CSPG4: variants seen among roughly 807,000 people sequenced by gnomAD.
CSPG4 encodes the protein chondroitin sulfate proteoglycan 4.
In CSPG4, 74 loss-of-function variants were observed where a neutral mutation model predicts 139.3. The observed-to-expected ratio is 0.53, with a 90% CI of 0.44 to 0.64. The LOEUF is 0.64. CSPG4 is among the 30% of genes least tolerant of loss of function. The probability of loss-of-function intolerance (pLI) is 0.00; values close to 1 mark genes in which losing one functional copy is unlikely to be tolerated. For synonymous variants in CSPG4, 1,234 were observed against 1,394.2 expected (o/e 0.89, Z 2.56); for missense variants, 2,565 against 3,148.3 (o/e 0.81, Z 4.43).
At chr15:75,693,978 T>C (rs1894196073) in intron 1 of CSPG4, among the ~76,000 whole-genome samples, 1 of 152,242 alleles carries the variant, frequency 6.6e-6, no homozygotes, top group African/African-American at 2.4e-5. Flanking sequence ...ACTTCCTCCA[T>C]TACCCTTGCT....
In CSPG4 at chr15:75,677,753, G is replaced by A; in HGVS notation, c.5084C>T (p.Ser1695Phe). ...GCGCTGGGGACAGGCAGCCTCAAAA[G>A]ACACAGCCACAGCAAGGGTGGCGGC... ...DVAATLAVAVSFEAACPQRPS... is the reference protein window; with the variant it reads ...DVAATLAVAVFFEAACPQRPS... Residue 1695 changes from serine (S) to phenylalanine (F), a missense_variant, in exon 9 of 10, where the codon TCT becomes TTT. Physicochemically the swap from Ser to Phe is radical, Grantham distance 155. Transcript: ENST00000308508. 6.2e-7 allele frequency: 1 copy of A among 1,610,682 alleles called. No homozygotes were observed.
intron 8 of CSPG4, chr15:75,679,844 C>T (rs1419038586): frequency 2.6e-5 from 4 of 152,244 alleles, no homozygotes; most frequent in African/African-American, 7.2e-5. Flanking sequence ...TGCCACCACG[C>T]CCAGCTCATT....
At chr15:75,678,724 A>G (rs1224314262) in intron 8 of CSPG4, 1 of 456,158 alleles carries the variant, frequency 2.2e-6, no homozygotes, top group Non-Finnish European at 4.4e-6. Context: ...CTTTGCAGCA[A>G]AACTTCAAAA....
chr15:75,688,892 A>G lies in CSPG4; in HGVS notation c.2173T>C (p.Trp725Arg), dbSNP rs1894108954. The change falls in exon 3 of 10, where the codon TGG (tryptophan) becomes CGG (arginine). Residue 725 changes from tryptophan to arginine, a missense_variant. Physicochemically the swap from Trp to Arg is moderately radical, Grantham distance 101 (BLOSUM62 -3). Coordinates refer to ENST00000308508, the MANE Select transcript of CSPG4 (RefSeq NM_001897.5). ...TGGTGGAACGCCTGTGTGGCCCACC[A>G]CTCAGCACCCTCCACCCCACCTGCC... ...QGAGGVEGAE[W>R]WATQAFHQRD... 1.9e-6 allele frequency: 3 copies of G among 1,612,010 alleles called. No individual in the cohort carries two copies. The highest frequency in any genetic ancestry group is 1.7e-6 in the Non-Finnish European group (2 of 1,179,894).
rs746522536 is a variant in CSPG4, at chr15:75,688,234, C to T, written c.2831G>A (p.Arg944Lys). ...YEVMERPRHGRLAWRGTQDKT... is the reference protein window; with the variant it reads ...YEVMERPRHGKLAWRGTQDKT... ...GTCCTGTGTCCCACGCCAAGCCAAC[C>T]TCCCATGGCGGGGCCGCTCCATGAC... Residue 944 changes from arginine to lysine, a missense_variant, in exon 3 of 10, where the codon AGG (arginine) becomes AAG (lysine). This residue lies in a region of CSPG4 where 2,316 missense variants were observed against 2,818.2 expected (regional missense o/e 0.82). Coordinates refer to ENST00000308508, the MANE Select transcript of CSPG4 (RefSeq NM_001897.5). 1.2e-6 allele frequency: 2 copies of T among 1,613,014 alleles called. No individual in the cohort carries two copies. The highest frequency in any genetic ancestry group is 2.2e-5 in the South Asian group (2 of 91,084).
At chr15:75,683,549 T>C (rs1202341379) in intron 5 of CSPG4, among the ~76,000 whole-genome samples, 1 of 152,116 alleles carries the variant, frequency 6.6e-6, no homozygotes, top group Non-Finnish European at 1.5e-5. Flanking sequence ...GGGGGGCTGA[T>C]GGTTGGCACT....
chr15:75,684,905 T>A lies in CSPG4; in HGVS notation c.4280A>T (p.Glu1427Val). 1 of 1,608,292 alleles carries A rather than the reference T, an allele frequency of 6.2e-7. No homozygotes were observed. Among genetic ancestry groups the A allele is most frequent in the South Asian group, 1.1e-5 (1 of 90,996 alleles). The change falls in exon 5 of 10, where the codon GAG becomes GTG. Residue 1427 changes from glutamate (E) to valine (V), a missense_variant. This residue lies in a region of CSPG4 where 2,316 missense variants were observed against 2,818.2 expected (regional missense o/e 0.82). Coordinates refer to ENST00000308508, the MANE Select transcript of CSPG4 (RefSeq NM_001897.5). The part of the protein sequence containing the change: ...LSAFSWRMVE[E>V]QLIRYVHDGS... ...GTCATGCACGTAGCGGATCAGCTGC[T>A]CTTCCACCTAGGGGCAGGCCCAGGG... is the stretch of plus-strand genomic sequence containing the variant.
intron 1 of CSPG4, among the ~76,000 whole-genome samples, chr15:75,710,715 A>G (rs1446840901): frequency 1.1e-3 from 166 of 151,522 alleles, no homozygotes; most frequent in African/African-American, 3.1e-3. Context: ...AGGGGCATCC[A>G]GGAGGGGTGG....
Position 75,676,905 on chromosome 15 carries a change from C to T in CSPG4, c.5614G>A (p.Val1872Ile). Residue 1872 changes from valine (V) to isoleucine (I), a missense_variant, in exon 10 of 10, where the codon GTC (valine) becomes ATC (isoleucine). Coordinates refer to ENST00000308508, the MANE Select transcript of CSPG4 (RefSeq NM_001897.5). ...DSAPGEIEYEVQRAPHNGFLS... is the reference protein window; with the variant it reads ...DSAPGEIEYEIQRAPHNGFLS... Reference sequence around the variant, plus strand: ...AAGCCGTTGTGGGGTGCCCGCTGGACCTCGTACTCAATCTCCCCAGGAGCT... The same window carrying T: ...AAGCCGTTGTGGGGTGCCCGCTGGATCTCGTACTCAATCTCCCCAGGAGCT... 6.3e-7 allele frequency: 1 copy of T among 1,578,174 alleles called. No homozygotes were observed. Among genetic ancestry groups the T allele is most frequent in the Non-Finnish European group, 8.6e-7 (1 of 1,162,990 alleles).
intron 1 of CSPG4, among the ~76,000 whole-genome samples, chr15:75,705,047 C>T (rs1051710050): frequency 5.3e-5 from 8 of 152,218 alleles, no homozygotes; most frequent in African/African-American, 1.4e-4. Context: ...CACTCACCTG[C>T]TCTGGGGACA....
intron 4 of CSPG4, 83 bp downstream of exon 4, chr15:75,685,136 C>G (rs1418491324): frequency 2.7e-6 from 4 of 1,487,002 alleles, no homozygotes; most frequent in Middle Eastern, 2.6e-4. Context: ...TGTGTATAAC[C>G]CCCAGACTGG....
rs754952359 is a variant in CSPG4, at chr15:75,682,413, G to A, written c.4830C>T (p.Ser1610=). 4.1e-5 allele frequency: 66 copies of A among 1,594,100 alleles called. 1 individual carries two copies. The South Asian group carries it at 5.7e-4, about 14-fold the overall frequency. ...LSSQTLRASS[S]AGTDPQLLLY... ...GCAGGAGCTGGGGGTCAGTGCCTGCGCTGGAGCTGGCCCTGAGGGTCTGAC... is the reference window on the plus strand; with the variant it reads ...GCAGGAGCTGGGGGTCAGTGCCTGCACTGGAGCTGGCCCTGAGGGTCTGAC... Residue 1610 remains serine, a synonymous_variant, in exon 8 of 10, where the codon AGC becomes AGT. Coordinates refer to ENST00000308508, the MANE Select transcript of CSPG4 (RefSeq NM_001897.5).
rs1566975015 is a variant in CSPG4 at position 75,689,966 on chromosome 15, G to A, written c.1099C>T (p.Leu367=). 3 of 1,610,438 alleles carry A rather than the reference G, an allele frequency of 1.9e-6. No individual in the cohort carries two copies. The highest frequency in any genetic ancestry group is 2.5e-6 in the Non-Finnish European group (3 of 1,178,500). ...DLSVNGQRRG[L]REALLTRNMA... ...TTGCGCGTCAGCAAAGCTTCCCGCAGCCCCCGCCTCTGGCCATTGACACTG... is the reference window on the plus strand; with the variant it reads ...TTGCGCGTCAGCAAAGCTTCCCGCAACCCCCGCCTCTGGCCATTGACACTG... Residue 367 remains leucine, a synonymous_variant, in exon 3 of 10, where the codon CTG becomes TTG. Transcript: ENST00000308508.
chr15:75,675,941 G>A lies in CSPG4; in HGVS notation c.6578C>T (p.Thr2193Ile). 2 of 1,592,458 alleles carry A rather than the reference G, an allele frequency of 1.3e-6. No individual in the cohort carries two copies. Among genetic ancestry groups the A allele is most frequent in the Non-Finnish European group, 1.7e-6 (2 of 1,173,816 alleles). ...RTEAGKPESS[T>I]PTGEPGPMAS... ...CATGGGGCCTGGCTCGCCTGTGGGG[G>A]TGCTGCTCTCTGGCTTCCCTGCTTC... The change falls in exon 10 of 10, where the codon ACC becomes ATC. Residue 2193 changes from threonine to isoleucine, a missense_variant. By Grantham distance (89) the Thr-to-Ile change is moderately conservative (BLOSUM62 -1). This residue lies in a region of CSPG4 where 2,316 missense variants were observed against 2,818.2 expected (regional missense o/e 0.82). Coordinates refer to ENST00000308508, the MANE Select transcript of CSPG4 (RefSeq NM_001897.5).
chr15:75,708,941 G>C (rs1894409174), intron 1 of CSPG4, among the ~76,000 whole-genome samples: 1 of 152,192 alleles, frequency 6.6e-6, no homozygotes, highest in Admixed American at 6.5e-5. Flanking sequence ...GAGATCGCTT[G>C]AGCCTGGGAG....
Position 75,675,452 on chromosome 15 carries a change from TGG to T in CSPG4, c.*96_*97del. 7.6e-7 allele frequency: 1 copy of T among 1,314,328 alleles called. No individual in the cohort carries two copies. The highest frequency in any genetic ancestry group is 9.9e-7 in the Non-Finnish European group (1 of 1,007,658). The allele number at this position is 1,314,328 out of a possible 1,614,324, so 81.4% of individuals were successfully genotyped here. A position where few individuals can be genotyped will look rare whatever the true frequency, so the allele number is the denominator to read the frequency against. On this transcript the variant is annotated 3_prime_UTR_variant, in exon 10 of 10. Transcript: ENST00000308508. The stretch of plus-strand genomic sequence containing the variant: ...TGGTGTCTCCAGGTCTCTCTTGCTC[TGG>T]GGATACTCAGACAGCACCAGGCATG...
intron 5 of CSPG4, 92 bp downstream of exon 5, chr15:75,684,644 G>A (rs1894026246): frequency 8.1e-7 from 1 of 1,229,610 alleles, no homozygotes; most frequent in Admixed American, 2.1e-5. Flanking sequence ...GGAAACTGAG[G>A]ATCAGAGCTG....
chr15:75,683,130 C>T, intron 5 of CSPG4, 89 bp from the exon 6 acceptor site: 1 of 1,327,854 alleles, frequency 7.5e-7, no homozygotes, highest in Non-Finnish European at 1.0e-6. Flanking sequence ...GGCTCCAGTC[C>T]TGCTGCGGCT....
At chr15:75,708,575 G>A (rs1894403333) in intron 1 of CSPG4, among the ~76,000 whole-genome samples, 1 of 152,174 alleles carries the variant, frequency 6.6e-6, no homozygotes, top group Non-Finnish European at 1.5e-5. Flanking sequence ...TCTTTCCCCT[G>A]CTGGGGCCTG....
Sources: gnomAD v4.1 joint callset for allele counts (sites outside exome capture counted in the v4.1 genomes callset) on GRCh38, gnomAD v4.1.1 for gene constraint, gnomAD v4.1.1 regional missense constraint, MANE v1.5 for transcripts, NCBI Gene and HGNC (gene_info 2026-07-23, HGNC 2026-07-21) for gene names.